Variants in LIMS1 observed in about 807,000 individuals in gnomAD.
LIMS1 encodes the protein LIM zinc finger domain containing 1.
In LIMS1, 18 loss-of-function variants were observed where a neutral mutation model predicts 44.1. The observed-to-expected ratio is 0.41, with a 90% CI of 0.28 to 0.61. The LOEUF (loss-of-function observed/expected upper bound fraction) is 0.61, where lower values mean the gene tolerates loss of function less well. Ranked by LOEUF, LIMS1 falls within the 20% of genes least tolerant of loss-of-function variation. The pLI is 0.32. For synonymous variants in LIMS1, 93 were observed against 149.1 expected, an observed-to-expected ratio of 0.62 and a Z score of 2.74; for missense variants, 201 against 422.0, an observed-to-expected ratio of 0.48 and a Z score of 4.59.
At chr2:108,603,743 C>G (rs11886685) in intron 1 of LIMS1, among the ~76,000 whole-genome samples, 3,809 of 152,028 alleles carry the variant, frequency 0.025, 102 homozygotes, top group African/African-American at 0.064. Flanking sequence ...GCCTGGCCTC[C>G]TTTTAATCTC....
At chr2:108,621,863 G>A (rs1454307754) in intron 1 of LIMS1, among the ~76,000 whole-genome samples, 1 of 152,120 alleles carries the variant, frequency 6.6e-6, no homozygotes, top group Non-Finnish European at 1.5e-5. Flanking sequence ...GTTTGGGGTT[G>A]GGGGAGGGGT....
At chr2:108,537,235 C>A (rs1684174857) in intron 1 of LIMS1, among the ~76,000 whole-genome samples, 1 of 152,156 alleles carries the variant, frequency 6.6e-6, no homozygotes, top group Admixed American at 6.5e-5. Flanking sequence ...TCTCTCGGAT[C>A]CCTTAGAAAG....
chr2:108,563,786 G>A (rs1685202089), intron 1 of LIMS1, among the ~76,000 whole-genome samples: 3 of 152,194 alleles, frequency 2.0e-5, no homozygotes, highest in South Asian at 2.1e-4. Flanking sequence ...GTGGCCAGGC[G>A]CATAGCTCAT....
intron 1 of LIMS1, among the ~76,000 whole-genome samples, chr2:108,542,637 C>G (rs929110005): frequency 6.6e-6 from 1 of 152,294 alleles, no homozygotes; most frequent in East Asian, 1.9e-4. Flanking sequence ...TCCCTCCTAC[C>G]CTTACGCTTA....
At chr2:108,651,191 G>C (rs1408491386) in intron 1 of LIMS1, among the ~76,000 whole-genome samples, 1 of 152,076 alleles carries the variant, frequency 6.6e-6, no homozygotes, top group African/African-American at 2.4e-5. Context: ...CCCCACATTA[G>C]TTCCTTTGTC....
intron 1 of LIMS1, among the ~76,000 whole-genome samples, chr2:108,620,378 G>T (rs1406395435): frequency 6.6e-6 from 1 of 152,188 alleles, no homozygotes; most frequent in East Asian, 1.9e-4. Flanking sequence ...CTAAGATCTT[G>T]CTGGGAGGTA....
intron 9 of LIMS1, 59 bp from the exon 10 acceptor site, chr2:108,683,826 A>T (rs961284011): frequency 1.0e-5 from 9 of 876,474 alleles, no homozygotes; most frequent in Non-Finnish European, 1.6e-5. Flanking sequence ...CATCATTTAT[A>T]TATCTTTGTT....
chr2:108,549,279 CTTTT>C (rs71381966), intron 1 of LIMS1, among the ~76,000 whole-genome samples: 3,541 of 55,222 alleles, frequency 0.064, 47 homozygotes, highest in African/African-American at 0.1. Flanking sequence ...TAAAGTGTTT[CTTTT>C]TTTTTTTTTT....
intron 1 of LIMS1, among the ~76,000 whole-genome samples, chr2:108,551,953 G>GTGTATATATATA (rs56703030): frequency 3.6e-4 from 31 of 85,320 alleles, no homozygotes; most frequent in African/African-American, 9.5e-4. Flanking sequence ...GTGTGTGTGT[G>GTGTATATATATA]TATATATATA....
At chr2:108,646,467 A>G (rs952912067) in intron 1 of LIMS1, among the ~76,000 whole-genome samples, 10 of 152,230 alleles carry the variant, frequency 6.6e-5, no homozygotes, top group African/African-American at 2.4e-4. Flanking sequence ...AATCTCTGGG[A>G]CACATTTAAA....
At chr2:108,552,510 AAT>A (rs1449601467) in intron 1 of LIMS1, among the ~76,000 whole-genome samples, 3 of 146,656 alleles carry the variant, frequency 2.0e-5, no homozygotes, top group Non-Finnish European at 4.5e-5. Context: ...ATATAAATAA[AAT>A]ATATAAATAT....
At chr2:108,652,271 C>T (rs538916566) in intron 1 of LIMS1, among the ~76,000 whole-genome samples, 2 of 152,290 alleles carry the variant, frequency 1.3e-5, no homozygotes, top group South Asian at 4.1e-4. Context: ...TTCACAGTGC[C>T]ACAAATTGGA....
At chr2:108,543,466 CT>C (rs1684382193) in intron 1 of LIMS1, among the ~76,000 whole-genome samples, 1 of 152,170 alleles carries the variant, frequency 6.6e-6, no homozygotes. Context: ...TTGCCTAGGC[CT>C]TTCCTGGGCC....
Position 108,621,283 on chromosome 2 carries a change from G to A in LIMS1, c.33-38322G>A, listed in dbSNP as rs573570206. 5.9e-4 allele frequency: 910 copies of A among 1,538,112 alleles called. 8 individuals carry two copies. The Middle Eastern group carries it at 7.1e-3, about 12-fold the overall frequency. ...CTGAGGTCCCTCGGCAAGGGACGCT[G>A]CTTTCCCCTGGCAGCCACACTGCTG... On this transcript the variant is annotated intron_variant, in intron 1 of 9. Transcript: ENST00000544547.
intron 3 of LIMS1, among the ~76,000 whole-genome samples, chr2:108,671,447 A>C (rs891751205): frequency 6.6e-6 from 1 of 152,174 alleles, no homozygotes; most frequent in Admixed American, 6.5e-5. Context: ...ACCTTTACCA[A>C]CTTGCTTTTG....
At chr2:108,638,622 C>T (rs1209346603) in intron 1 of LIMS1, among the ~76,000 whole-genome samples, 1 of 152,082 alleles carries the variant, frequency 6.6e-6, no homozygotes, top group African/African-American at 2.4e-5. Flanking sequence ...TAGCACATGC[C>T]TGTAATTCCA....
In LIMS1 at chr2:108,608,850, G is replaced by A. The variant is rs1687425453; in HGVS notation, c.33-50755G>A. ...AAATAGGGATACCGCTCATTTCACA[G>A]GGTGTTAGGGGGATCAAATGAAATA... is the stretch of plus-strand genomic sequence containing the variant. On this transcript the variant is annotated intron_variant, in intron 1 of 9. Coordinates refer to ENST00000544547, the Ensembl canonical transcript of LIMS1. 2.0e-5 allele frequency among the ~76,000 whole-genome samples: 3 copies of A among 152,142 alleles called. No homozygotes were observed. The South Asian group carries it at 6.2e-4, about 32-fold the overall frequency.
At chr2:108,565,902 A>C (rs1358120905) in intron 1 of LIMS1, among the ~76,000 whole-genome samples, 6 of 152,180 alleles carry the variant, frequency 3.9e-5, no homozygotes, top group Non-Finnish European at 4.4e-5. Flanking sequence ...ACAAAGCACT[A>C]TTCTCATCTG....
At chr2:108,651,207 A>T (rs1196673876) in intron 1 of LIMS1, among the ~76,000 whole-genome samples, 1 of 152,088 alleles carries the variant, frequency 6.6e-6, no homozygotes, top group Non-Finnish European at 1.5e-5. Flanking sequence ...TTGTCGTTTC[A>T]GTGTAAGTAG....
Sources: gnomAD v4.1 joint callset for allele counts (sites outside exome capture counted in the v4.1 genomes callset) on GRCh38, gnomAD v4.1.1 for gene constraint, MANE v1.5 for transcripts, NCBI Gene and HGNC (gene_info 2026-07-23, HGNC 2026-07-21) for gene names.